Variants in ABCB1 observed in about 807,000 individuals in gnomAD.
ABCB1 encodes the protein ATP-dependent translocase ABCB1.
In ABCB1, 69 loss-of-function variants were observed where a neutral mutation model predicts 142.0. The observed-to-expected ratio is 0.49, with a 90% CI of 0.40 to 0.59. The LOEUF (loss-of-function observed/expected upper bound fraction) is 0.59. ABCB1 is among the 20% of genes least tolerant of loss of function. ABCB1 has a pLI of 0.00. For synonymous variants in ABCB1, 532 were observed against 539.2 expected (o/e 0.99, Z 0.18); for missense variants, 1,326 against 1,554.7 (o/e 0.85, Z 2.47).
intron 14 of ABCB1, among the ~76,000 whole-genome samples, chr7:87,548,162 G>GAGGGAAGGGAAGGGA: frequency 2.4e-5 from 1 of 41,154 alleles, no homozygotes; most frequent in South Asian, 1.7e-3. Flanking sequence ...AAGGGAAGGG[G>GAGGGAAGGGAAGGGA]AGGGAAAGGA....
intron 1 of ABCB1, among the ~76,000 whole-genome samples, chr7:87,704,351 C>G (rs1453727589): frequency 6.6e-6 from 1 of 152,126 alleles, no homozygotes; most frequent in African/African-American, 2.4e-5. Flanking sequence ...ATTCTAGATG[C>G]TACATAAACA....
intron 21 of ABCB1, among the ~76,000 whole-genome samples, chr7:87,524,730 TATAATA>T (rs1323957304): frequency 6.8e-6 from 1 of 147,972 alleles, no homozygotes; most frequent in East Asian, 2.0e-4. Flanking sequence ...AAACTTAAAG[TATAATA>T]AAAATAAAAA....
At position 87,520,771 on chromosome 7, in the gene ABCB1, A is replaced by G. The variant is rs1468076810; in HGVS notation, c.2786+5T>C. The G allele has an allele frequency of 1.2e-6, 2 of 1,610,258 alleles. No homozygotes were observed. Among genetic ancestry groups the G allele is most frequent in the Non-Finnish European group, 1.7e-6 (2 of 1,176,618 alleles). On this transcript the variant is annotated splice_donor_5th_base_variant and intron_variant, in intron 22 of 27. Coordinates refer to ENST00000622132, the MANE Select transcript of ABCB1 (RefSeq NM_001348946.2). ...ACTCTCCTCCCACTCTTCAGCGGTT[A>G]TTACCTGTATGGTACCTGCAAACTC...
chr7:87,555,637 C>G (rs577382836), intron 8 of ABCB1, among the ~76,000 whole-genome samples: 2 of 152,210 alleles, frequency 1.3e-5, no homozygotes, highest in South Asian at 4.1e-4. Context: ...TTAGTTTCTA[C>G]CCCCCAAAAT....
intron 5 of ABCB1, among the ~76,000 whole-genome samples, chr7:87,568,278 G>A (rs1202165): frequency 0.46 from 58,137 of 125,320 alleles, 12,204 homozygotes; most frequent in East Asian, 0.65. Context: ...AAAATTAGCC[G>A]GGTGTGGTGG....
intron 26 of ABCB1, among the ~76,000 whole-genome samples, chr7:87,506,793 T>C (rs372962771): frequency 4.3e-4 from 66 of 152,264 alleles, no homozygotes; most frequent in African/African-American, 1.6e-3. Flanking sequence ...CAGGCTGAAA[T>C]TTTAGTACAG....
At chr7:87,634,582 T>C (rs955133157) in intron 1 of ABCB1, among the ~76,000 whole-genome samples, 2 of 150,966 alleles carry the variant, frequency 1.3e-5, no homozygotes, top group African/African-American at 4.9e-5. Flanking sequence ...GAGCCGAGAT[T>C]CACTACTTCA....
chr7:87,544,379 C>A, intron 16 of ABCB1, 104 bp from the exon 17 acceptor site: 11 of 1,117,544 alleles, frequency 9.8e-6, no homozygotes, highest in East Asian at 2.4e-5. Context: ...ATCCTTATTC[C>A]TTATCAATGA....
chr7:87,573,848 A>G (rs1818162636), intron 4 of ABCB1, among the ~76,000 whole-genome samples: 1 of 152,146 alleles, frequency 6.6e-6, no homozygotes, highest in Non-Finnish European at 1.5e-5. Context: ...TGCTGCATTA[A>G]AAAAATTTAT....
intron 20 of ABCB1, among the ~76,000 whole-genome samples, chr7:87,534,887 C>T (rs1030606731): frequency 2.8e-5 from 4 of 141,754 alleles, no homozygotes. Context: ...TGCAGTCTGG[C>T]CTGGGCTACA....
intron 7 of ABCB1, chr7:87,563,401 T>A (rs1041733366): frequency 1.1e-5 from 5 of 454,798 alleles, no homozygotes; most frequent in Admixed American, 4.7e-5. Flanking sequence ...ACAAATATGA[T>A]ACAAATATCC....
chr7:87,708,250 C>CTA (rs1829779093), intron 1 of ABCB1, among the ~76,000 whole-genome samples: 1 of 152,018 alleles, frequency 6.6e-6, no homozygotes, highest in African/African-American at 2.4e-5. Flanking sequence ...TCTAGCAAGA[C>CTA]TATTCAAGAA....
chr7:87,702,142 CAA>C (rs146127516), intron 1 of ABCB1, among the ~76,000 whole-genome samples: 5 of 16,774 alleles, frequency 3.0e-4, no homozygotes, highest in South Asian at 6.6e-3. Context: ...GACTCTGTCT[CAA>C]AAAAAAAAAA....
At position 87,537,665 on chromosome 7, in the gene ABCB1, T is replaced by C. The variant is rs141730008; in HGVS notation, c.2398-1124A>G. On this transcript the variant is annotated intron_variant, in intron 19 of 27. Coordinates refer to ENST00000622132, the MANE Select transcript of ABCB1 (RefSeq NM_001348946.2). Reference sequence around the variant, plus strand: ...TTAGACATCCAATAGAGAGGTTGAATAAGCAGTTAGATAAATGTAGCTCAG... The same window carrying C: ...TTAGACATCCAATAGAGAGGTTGAACAAGCAGTTAGATAAATGTAGCTCAG... 1.9e-3 allele frequency among the ~76,000 whole-genome samples: 282 copies of C among 152,302 alleles called. 1 individual carries two copies. The highest frequency in any genetic ancestry group is 6.2e-3 in the African/African-American group (258 of 41,564).
chr7:87,512,017 G>A lies in ABCB1; in HGVS notation c.3283-2536C>T, dbSNP rs534278535. 9.9e-5 allele frequency among the ~76,000 whole-genome samples: 15 copies of A among 152,176 alleles called. No homozygotes were observed. The South Asian group carries it at 2.9e-3, about 30-fold the overall frequency. On this transcript the variant is annotated intron_variant, in intron 25 of 27. Coordinates refer to ENST00000622132, the MANE Select transcript of ABCB1 (RefSeq NM_001348946.2). ...TTCTGGGAAGTCGAACAGTTTTCTG[G>A]GTGGGAGGGAGGCAAGGCTGTAGTC...
At chr7:87,670,775 TGATCC>T (rs1825748585) in intron 1 of ABCB1, among the ~76,000 whole-genome samples, 1 of 152,178 alleles carries the variant, frequency 6.6e-6, no homozygotes, top group Admixed American at 6.5e-5. Flanking sequence ...CCTTGGGGTG[TGATCC>T]AGCAGGTGGC....
At chr7:87,698,555 G>A (rs1251753004) in intron 1 of ABCB1, among the ~76,000 whole-genome samples, 5 of 152,080 alleles carry the variant, frequency 3.3e-5, no homozygotes, top group Admixed American at 3.3e-4. Flanking sequence ...CAAAACTATT[G>A]CTATAAAAAG....
At chr7:87,514,366 T>C (rs1263819626) in intron 25 of ABCB1, among the ~76,000 whole-genome samples, 1 of 152,198 alleles carries the variant, frequency 6.6e-6, no homozygotes, top group Non-Finnish European at 1.5e-5. Flanking sequence ...CCTTCCTAGT[T>C]TGTCTTCTTT....
chr7:87,621,292 A>G (rs1011902314), intron 1 of ABCB1, among the ~76,000 whole-genome samples: 4 of 152,154 alleles, frequency 2.6e-5, no homozygotes, highest in African/African-American at 4.8e-5. Flanking sequence ...AGATTTTGGT[A>G]CCACTAGCTC....
Sources: allele counts gnomAD v4.1 joint callset (sites outside exome capture counted in the v4.1 genomes callset), GRCh38; gene constraint gnomAD v4.1.1; transcripts MANE v1.5; gene names NCBI Gene and HGNC (gene_info 2026-07-23, HGNC 2026-07-21).